ACSF2: variants seen among roughly 807,000 people sequenced by gnomAD.
The protein encoded by ACSF2 is medium-chain acyl-CoA ligase ACSF2, mitochondrial.
A neutral mutation model predicts 79.3 loss-of-function variants in ACSF2; 52 were observed. The observed-to-expected ratio is 0.66, with a 90% CI of 0.53 to 0.83. The LOEUF (loss-of-function observed/expected upper bound fraction) is 0.83, where lower values mean the gene tolerates loss of function less well. ACSF2 is among the 40% of genes least tolerant of loss of function. The pLI is 0.00. For missense variants in ACSF2, 661 were observed against 803.3 expected, an observed-to-expected ratio of 0.82 and a Z score of 2.14; for synonymous variants, 283 against 312.6, an observed-to-expected ratio of 0.91 and a Z score of 1.00.
intron 1 of ACSF2, among the ~76,000 whole-genome samples, chr17:50,459,899 C>T (rs1266839960): frequency 6.6e-6 from 1 of 152,186 alleles, no homozygotes; most frequent in African/African-American, 2.4e-5. Context: ...GCTCTTGGTG[C>T]CCCTTGCTTA....
chr17:50,427,771 A>G (rs1311483840), intron 1 of ACSF2, among the ~76,000 whole-genome samples: 1 of 152,248 alleles, frequency 6.6e-6, no homozygotes, highest in Non-Finnish European at 1.5e-5. Flanking sequence ...CCACATGGCA[A>G]CATTTCTGAC....
chr17:50,463,675 G>T lies in ACSF2; in HGVS notation c.1046+123G>T. 6.6e-7 allele frequency: 1 copy of T among 1,508,788 alleles called. No individual in the cohort carries two copies. 93.5% of individuals were successfully genotyped at this position (1,508,788 alleles called of 1,614,324 possible). ...CCAGGAGACTGAGGATGGGGACAGT[G>T]GAGGACCCCCAGGAGAGGACCAGTT... On this transcript the variant is annotated intron_variant, in intron 8 of 15. Coordinates refer to ENST00000300441, the MANE Select transcript of ACSF2 (RefSeq NM_025149.6). The surrounding 1 kb of genome is among the most constrained non-coding windows in gnomAD (Gnocchi z 4.6).
intron 1 of ACSF2, among the ~76,000 whole-genome samples, chr17:50,433,915 G>A (rs375814287): frequency 3.3e-4 from 50 of 151,714 alleles, no homozygotes; most frequent in East Asian, 2.0e-3. Context: ...GTGACCCACC[G>A]CACTGGCCCT....
intron 10 of ACSF2, chr17:50,468,644 T>C (rs765040430): frequency 3.1e-6 from 5 of 1,614,062 alleles, no homozygotes; most frequent in African/African-American, 2.7e-5. Context: ...GCGCTGTAGG[T>C]TGAGCAGCTT....
At chr17:50,472,670 A>T in intron 12 of ACSF2, 91 bp downstream of exon 12, 1 of 1,441,616 alleles carries the variant, frequency 6.9e-7, no homozygotes, top group Middle Eastern at 2.5e-4. Context: ...TGGCACCGTG[A>T]GGATGTGGGT....
chr17:50,431,538 A>T lies in ACSF2; in HGVS notation c.128+5149A>T, dbSNP rs140029322. Among the ~76,000 whole-genome samples the T allele has an allele frequency of 2.0e-5, 3 of 152,320 alleles. No individual in the cohort carries two copies. In the East Asian group the frequency reaches 5.8e-4, roughly 29 times the overall value. On this transcript the variant is annotated intron_variant, in intron 1 of 15. Transcript: ENST00000300441. The stretch of plus-strand genomic sequence containing the variant: ...TCCGTGAAATCTCACTTGTGCTTCA[A>T]TCGTTGTGAACCCTGGTGCCATCAT...
At chr17:50,461,579 C>T (rs1324017576) in intron 3 of ACSF2, 54 bp from the exon 4 acceptor site, 14 of 1,611,646 alleles carry the variant, frequency 8.7e-6, no homozygotes, top group African/African-American at 1.3e-5. Flanking sequence ...GGAGGGGCAG[C>T]AGGAGGGACA....
intron 1 of ACSF2, among the ~76,000 whole-genome samples, chr17:50,433,366 A>G (rs898442345): frequency 1.3e-5 from 2 of 152,018 alleles, no homozygotes; most frequent in Non-Finnish European, 2.9e-5. Flanking sequence ...TGGCCTTCCA[A>G]AATGCTGGGA....
intron 1 of ACSF2, among the ~76,000 whole-genome samples, chr17:50,441,993 C>T (rs1203463890): frequency 6.6e-6 from 1 of 152,106 alleles, no homozygotes; most frequent in Non-Finnish European, 1.5e-5. Flanking sequence ...CACACACCAG[C>T]ATGCCTGGCT....
At chr17:50,465,717 C>A in intron 10 of ACSF2, 2 of 1,613,174 alleles carry the variant, frequency 1.2e-6, no homozygotes, top group South Asian at 2.2e-5. Context: ...CGCCGAAGGC[C>A]CCGGAGCTGG....
In ACSF2 at chr17:50,463,681, C is replaced by T. The variant is rs2032491875; in HGVS notation, c.1046+129C>T. The T allele has an allele frequency of 2.0e-6, 3 of 1,492,912 alleles. No individual in the cohort carries two copies. The highest frequency in any genetic ancestry group is 2.8e-6 in the Non-Finnish European group (3 of 1,090,744). The allele number at this position is 1,492,912 out of a possible 1,614,324, so 92.5% of individuals were successfully genotyped here. A position where few individuals can be genotyped will look rare whatever the true frequency, so the allele number is the denominator to read the frequency against. ...GACTGAGGATGGGGACAGTGGAGGACCCCCAGGAGAGGACCAGTTCCTGCC... is the reference window on the plus strand; with the variant it reads ...GACTGAGGATGGGGACAGTGGAGGATCCCCAGGAGAGGACCAGTTCCTGCC... On this transcript the variant is annotated intron_variant, in intron 8 of 15. Coordinates refer to ENST00000300441, the MANE Select transcript of ACSF2 (RefSeq NM_025149.6). The surrounding 1 kb of genome is among the most constrained non-coding windows in gnomAD (Gnocchi z 4.6).
At chr17:50,431,933 G>T (rs1458624075) in intron 1 of ACSF2, among the ~76,000 whole-genome samples, 2 of 151,966 alleles carry the variant, frequency 1.3e-5, no homozygotes, top group Non-Finnish European at 2.9e-5. Flanking sequence ...TGGAGACAAG[G>T]TCTCGCTCTG....
rs1226525061 is a variant in ACSF2, at chr17:50,473,648, C to G, written c.1476-17C>G. 2.5e-6 allele frequency: 4 copies of G among 1,614,146 alleles called. No individual in the cohort carries two copies. The highest frequency in any genetic ancestry group is 3.4e-6 in the Non-Finnish European group (4 of 1,180,010). ...ACAAGGCAGAGATGACAGGTTGCCC[C>G]TGGGCTTTCCTTACAGAGATGTCGC... On this transcript the variant is annotated splice_polypyrimidine_tract_variant and intron_variant, in intron 12 of 15. Transcript: ENST00000300441.
At chr17:50,457,349 C>T (rs2032076199) in intron 1 of ACSF2, among the ~76,000 whole-genome samples, 1 of 152,228 alleles carries the variant, frequency 6.6e-6, no homozygotes, top group Admixed American at 6.5e-5. Context: ...AGGCTGAGGA[C>T]CACACCATTG....
chr17:50,455,528 A>C (rs2031939208), intron 1 of ACSF2, among the ~76,000 whole-genome samples: 1 of 152,174 alleles, frequency 6.6e-6, no homozygotes, highest in Non-Finnish European at 1.5e-5. Context: ...GAAGGTACAG[A>C]TACCTCCCAG....
rs923015676 is a variant in ACSF2 at position 50,473,573 on chromosome 17, C to T, written c.1476-92C>T. 2.6e-6 allele frequency: 4 copies of T among 1,564,596 alleles called. No homozygotes were observed. The East Asian group carries it at 9.0e-5, about 35-fold the overall frequency. ...CCAGAGTCTAGAGCAGTGGAAGACACATAGTAGCTGGTCAATAAATGTTTC... is the reference window on the plus strand; with the variant it reads ...CCAGAGTCTAGAGCAGTGGAAGACATATAGTAGCTGGTCAATAAATGTTTC... On this transcript the variant is annotated intron_variant, in intron 12 of 15. Coordinates refer to ENST00000300441, the MANE Select transcript of ACSF2 (RefSeq NM_025149.6).
intron 1 of ACSF2, among the ~76,000 whole-genome samples, chr17:50,459,571 T>C (rs1255721245): frequency 4.6e-5 from 7 of 151,716 alleles, no homozygotes; most frequent in African/African-American, 9.7e-5. Flanking sequence ...TAATAAAAGG[T>C]GGGGAAAGTT....
rs1598425273 is a variant in ACSF2, at chr17:50,464,458, A to C, written c.1215+164A>C. The C allele has an allele frequency of 2.7e-5, 20 of 734,128 alleles. No individual in the cohort carries two copies. In the East Asian group the frequency reaches 5.3e-4, roughly 19 times the overall value. The allele number at this position is 734,128 out of a possible 1,614,324, so 45.5% of individuals were successfully genotyped here. On this transcript the variant is annotated intron_variant, in intron 10 of 15. Transcript: ENST00000300441. ...GAAAAGATAGTCTGACCTCATCAGC[A>C]CCTGGTGGGTGAAGGAGATAGGTGG...
intron 1 of ACSF2, among the ~76,000 whole-genome samples, chr17:50,429,109 G>C (rs1345307321): frequency 6.6e-6 from 1 of 152,256 alleles, no homozygotes; most frequent in South Asian, 2.1e-4. Flanking sequence ...TGAGAGAAAA[G>C]AGCAAGGGCT....
Sources: allele counts gnomAD v4.1 joint callset (sites outside exome capture counted in the v4.1 genomes callset), GRCh38; gene constraint gnomAD v4.1.1; non-coding constraint Gnocchi (gnomAD v3.1); transcripts MANE v1.5; gene names NCBI Gene and HGNC (gene_info 2026-07-23, HGNC 2026-07-21).